Variants in BAK1 observed in about 807,000 individuals in gnomAD.
BAK1 encodes bcl-2 homologous antagonist/killer.
BAK1 carries 19 observed loss-of-function variants against 24.7 expected under a neutral mutation model. The observed-to-expected ratio is 0.77, with a 90% CI of 0.54 to 1.13. BAK1 has a LOEUF of 1.13. Among genes scored for constraint, BAK1 ranks in the 50% most tolerant of loss-of-function variants. The pLI, the probability that BAK1 is intolerant of heterozygous loss-of-function variation, is 0.00. For missense variants in BAK1, 194 were observed against 279.4 expected (o/e 0.69, Z 2.18); for synonymous variants, 86 against 107.3 (o/e 0.80, Z 1.23).
intron 4 of BAK1, 63 bp from the exon 5 acceptor site, chr6:33,574,277 G>A: frequency 6.4e-7 from 1 of 1,571,714 alleles, no homozygotes; most frequent in African/African-American, 1.3e-5. Flanking sequence ...AGCCTGCCTG[G>A]CCTCTCCCAC....
In BAK1 at chr6:33,575,305, C is replaced by T; in HGVS notation, c.343G>A (p.Ala115Thr). 1.9e-6 allele frequency: 3 copies of T among 1,614,110 alleles called. No homozygotes were observed. The highest frequency in any genetic ancestry group is 2.5e-6 in the Non-Finnish European group (3 of 1,180,028). ...ENAYEYFTKIATSLFESGINW... is the reference protein window; with the variant it reads ...ENAYEYFTKITTSLFESGINW... ...GGGAGGTGGCTGGGGTACCTGGTGG[C>T]AATCTTGGTGAAGTACTCATAGGCA... The change falls in exon 4 of 6, where the codon GCC becomes ACC. Residue 115 changes from alanine to threonine, a missense_variant. Physicochemically the swap from Ala to Thr is moderately conservative, Grantham distance 58. Coordinates refer to ENST00000374467, the MANE Select transcript of BAK1 (RefSeq NM_001188.4). This position sits in a 1 kb window ranked among gnomAD's most constrained non-coding sequence, Gnocchi z 6.3.
Position 33,575,356 on chromosome 6 carries a change from G to C in BAK1, c.292C>G (p.Gln98Glu), listed in dbSNP as rs371320117. ...RYDSEFQTML[Q>E]HLQPTAENAY... ...TTCTCTGCCGTGGGCTGCAGGTGCT[G>C]CAACATGGTCTGGAACTCTGAGTCA... The change falls in exon 4 of 6, where the codon CAG (glutamine) becomes GAG (glutamate). Residue 98 changes from glutamine (Q) to glutamate (E), a missense_variant. Transcript: ENST00000374467. This position sits in a 1 kb window ranked among gnomAD's most constrained non-coding sequence, Gnocchi z 6.3. 8.7e-6 allele frequency: 14 copies of C among 1,614,082 alleles called. No homozygotes were observed. In the African/African-American group the frequency reaches 1.3e-4, roughly 15 times the overall value.
Position 33,577,551 on chromosome 6 carries a change from G to A in BAK1, c.54C>T (p.Ala18=), listed in dbSNP as rs1762867196. The A allele has an allele frequency of 1.3e-6, 2 of 1,548,684 alleles. No homozygotes were observed. The highest frequency in any genetic ancestry group is 2.0e-5 in the Admixed American group (1 of 50,754). Residue 18 remains alanine (A), a synonymous_variant, in exon 2 of 6, where the codon GCC becomes GCT. Transcript: ENST00000374467. This position sits in a 1 kb window ranked among gnomAD's most constrained non-coding sequence, Gnocchi z 4.6. ...GPPRQECGEP[A]LPSASEEQVA... is the part of the protein sequence containing the mutation. Reference sequence around the variant, plus strand: ...GACCCTTACCAGAAGCAGAGGGCAGGGCAGGCTCTCCGCACTCCTGCCTGG... The same window carrying A: ...GACCCTTACCAGAAGCAGAGGGCAGAGCAGGCTCTCCGCACTCCTGCCTGG...
At chr6:33,576,102 G>A (rs897248179) in intron 2 of BAK1, among the ~76,000 whole-genome samples, 174 bp from the exon 3 acceptor site, 1 of 152,162 alleles carries the variant, frequency 6.6e-6, no homozygotes, top group Non-Finnish European at 1.5e-5. Context: ...GCCGAGGTGG[G>A]CAGATCACCT....
At position 33,577,405 on chromosome 6, in the gene BAK1, G is replaced by A. The variant is rs1762864730; in HGVS notation, c.70+130C>T. The A allele has an allele frequency of 1.1e-6, 1 of 879,060 alleles. No individual in the cohort carries two copies. Among genetic ancestry groups the A allele is most frequent in the Non-Finnish European group, 1.7e-6 (1 of 598,946 alleles). 54.5% of individuals were successfully genotyped at this position (879,060 alleles called of 1,614,324 possible). On this transcript the variant is annotated intron_variant, in intron 2 of 5. Coordinates refer to ENST00000374467, the MANE Select transcript of BAK1 (RefSeq NM_001188.4). The surrounding 1 kb of genome is among the most constrained non-coding windows in gnomAD (Gnocchi z 4.6). ...AGCAGCTCCAGCCTCTGAGCCCGTGGGTGGGGAAGAGTATTCCCCACCCAC... is the reference window on the plus strand; with the variant it reads ...AGCAGCTCCAGCCTCTGAGCCCGTGAGTGGGGAAGAGTATTCCCCACCCAC...
chr6:33,577,502 A>T lies in BAK1; in HGVS notation c.70+33T>A. On this transcript the variant is annotated intron_variant, in intron 2 of 5. Transcript: ENST00000374467. The surrounding 1 kb of genome is among the most constrained non-coding windows in gnomAD (Gnocchi z 4.6). ...CATCCTCACGACAGCACTCATGGTT[A>T]TGGGATGGGTGAGGGGGCAGGAAGA... 6.6e-7 allele frequency: 1 copy of T among 1,524,236 alleles called. No individual in the cohort carries two copies. The highest frequency in any genetic ancestry group is 8.9e-7 in the Non-Finnish European group (1 of 1,128,044). 94.4% of individuals were successfully genotyped at this position (1,524,236 alleles called of 1,614,324 possible). A position where few individuals can be genotyped will look rare whatever the true frequency, so the allele number is the denominator to read the frequency against.
In BAK1 at chr6:33,577,410, GGAAGAGTATTCCCCACCCACAGTGGGT is replaced by G; in HGVS notation, c.70+98_70+124del. The stretch of plus-strand genomic sequence containing the variant: ...CTCCAGCCTCTGAGCCCGTGGGTGG[GGAAGAGTATTCCCCACCCACAGTGGGT>G]GAACCGAGGCGAAGGAGCCTGCCTG... On this transcript the variant is annotated intron_variant, in intron 2 of 5. Transcript: ENST00000374467. This position sits in a 1 kb window ranked among gnomAD's most constrained non-coding sequence, Gnocchi z 4.6. 1.1e-6 allele frequency: 1 copy of G among 934,224 alleles called. No homozygotes were observed. The highest frequency in any genetic ancestry group is 2.0e-5 in the South Asian group (1 of 50,492). 57.9% of individuals were successfully genotyped at this position (934,224 alleles called of 1,614,324 possible).
chr6:33,574,671 C>CT (rs1223122540), intron 4 of BAK1: 1 of 588,876 alleles, frequency 1.7e-6, no homozygotes, highest in Non-Finnish European at 2.8e-6. Flanking sequence ...TCACTTACTC[C>CT]TACCTTCACC....
At chr6:33,574,447 A>C in intron 4 of BAK1, 1 of 1,504,376 alleles carries the variant, frequency 6.6e-7, no homozygotes, top group Non-Finnish European at 8.9e-7. Context: ...GCTCAGGTGC[A>C]ACGGGGCACA....
At position 33,575,020 on chromosome 6, in the gene BAK1, G is replaced by A. The variant is rs1762819650; in HGVS notation, c.350+278C>T. Among the ~76,000 whole-genome samples, 1 of 152,216 alleles carries A rather than the reference G, an allele frequency of 6.6e-6. No homozygotes were observed. The highest frequency in any genetic ancestry group is 2.4e-5 in the African/African-American group (1 of 41,458). ...CCCAGCTGGGCTGGGGAGCTGTGGGGGACGTCCCCACCTCAGGCCCCCTCT... is the reference window on the plus strand; with the variant it reads ...CCCAGCTGGGCTGGGGAGCTGTGGGAGACGTCCCCACCTCAGGCCCCCTCT... On this transcript the variant is annotated intron_variant, in intron 4 of 5. Coordinates refer to ENST00000374467, the MANE Select transcript of BAK1 (RefSeq NM_001188.4). The surrounding 1 kb of genome is among the most constrained non-coding windows in gnomAD (Gnocchi z 6.3).
intron 4 of BAK1, 168 bp from the exon 5 acceptor site, chr6:33,574,382 T>C: frequency 6.9e-7 from 1 of 1,454,776 alleles, no homozygotes; most frequent in Non-Finnish European, 9.4e-7. Flanking sequence ...CCTGGGTCTC[T>C]GCGAAAGGAG....
intron 1 of BAK1, among the ~76,000 whole-genome samples, chr6:33,579,337 C>G (rs531465974): frequency 6.6e-6 from 1 of 152,214 alleles, no homozygotes; most frequent in East Asian, 1.9e-4. Context: ...CAGAGCGAGA[C>G]TCCATTTCAA....
chr6:33,575,890 T>C lies in BAK1; in HGVS notation c.109A>G (p.Ser37Gly). Residue 37 changes from serine to glycine, a missense_variant, in exon 3 of 6, where the codon AGC (serine) becomes GGC (glycine). Physicochemically the swap from Ser to Gly is moderately conservative, Grantham distance 56. Coordinates refer to ENST00000374467, the MANE Select transcript of BAK1 (RefSeq NM_001188.4). This position sits in a 1 kb window ranked among gnomAD's most constrained non-coding sequence, Gnocchi z 6.3. ...TGCTGATGGCGGTAAAAAACGTAGC[T>C]GCGGAAAACCTCCTCTGTGTCCTGG... ...VAQDTEEVFR[S>G]YVFYRHQQEQ... 6.2e-7 allele frequency: 1 copy of C among 1,614,128 alleles called. No homozygotes were observed. The highest frequency in any genetic ancestry group is 8.5e-7 in the Non-Finnish European group (1 of 1,180,022).
chr6:33,576,400 G>A (rs1762846049), intron 2 of BAK1, among the ~76,000 whole-genome samples: 1 of 151,044 alleles, frequency 6.6e-6, no homozygotes. Flanking sequence ...GGAGGCCAAG[G>A]CGGGCGGATC....
Position 33,578,564 on chromosome 6 carries a change from A to G in BAK1, c.-31-929T>C, listed in dbSNP as rs1412698018. 6.6e-6 allele frequency among the ~76,000 whole-genome samples: 1 copy of G among 152,090 alleles called. No homozygotes were observed. ...TGTGCCTTCCCCACTGCTGCCTTGC[A>G]GTGACCGGAGGGAGCCCTCAGGATC... On this transcript the variant is annotated intron_variant, in intron 1 of 5. Coordinates refer to ENST00000374467, the MANE Select transcript of BAK1 (RefSeq NM_001188.4). The surrounding 1 kb of genome is among the most constrained non-coding windows in gnomAD (Gnocchi z 4.8).
intron 5 of BAK1, 60 bp downstream of exon 5, chr6:33,573,974 G>A: frequency 6.2e-7 from 1 of 1,613,216 alleles, no homozygotes; most frequent in Non-Finnish European, 8.5e-7. Context: ...GGAAGGGGTG[G>A]GGCCTGGGAG....
chr6:33,574,283 C>G, intron 4 of BAK1, 69 bp from the exon 5 acceptor site: 1 of 1,560,838 alleles, frequency 6.4e-7, no homozygotes, highest in East Asian at 2.3e-5. Context: ...CCTGGCCTCT[C>G]CCACCCCTCT....
rs532062413 is a variant in BAK1 at position 33,579,834 on chromosome 6, C to T, written c.-32+191G>A. On this transcript the variant is annotated intron_variant, in intron 1 of 5. Coordinates refer to ENST00000374467, the MANE Select transcript of BAK1 (RefSeq NM_001188.4). ...CAGTTCTCCGGCATCCAGGGCTGGG[C>T]CAAGAGGGGAAGCTGTGAGGGGCAG... is the stretch of plus-strand genomic sequence containing the variant. Among the ~76,000 whole-genome samples the T allele has an allele frequency of 2.6e-5, 4 of 152,342 alleles. No individual in the cohort carries two copies. In the East Asian group the frequency reaches 7.7e-4, roughly 29 times the overall value.
chr6:33,576,445 A>G (rs1488246775), intron 2 of BAK1, among the ~76,000 whole-genome samples: 2 of 152,130 alleles, frequency 1.3e-5, no homozygotes, highest in Admixed American at 6.5e-5. Flanking sequence ...CCTGGCTAAC[A>G]TGGTGAAACC....
Sources: gnomAD v4.1 joint callset for allele counts (sites outside exome capture counted in the v4.1 genomes callset) on GRCh38, gnomAD v4.1.1 for gene constraint, Gnocchi (gnomAD v3.1) non-coding constraint, MANE v1.5 for transcripts, NCBI Gene and HGNC (gene_info 2026-07-23, HGNC 2026-07-21) for gene names.